NUP205: variants seen among roughly 807,000 people sequenced by gnomAD.
The protein encoded by NUP205 is nucleoporin 205.
NUP205 carries 76 observed loss-of-function variants against 253.8 expected under a neutral mutation model. That is an observed-to-expected ratio of 0.30 (90% CI 0.25 to 0.36). NUP205 has a LOEUF of 0.36. Ranked by LOEUF, NUP205 falls within the 10% of genes least tolerant of loss-of-function variation. The pLI is 1.00. For synonymous variants in NUP205, 832 were observed against 850.1 expected, an observed-to-expected ratio of 0.98 and a Z score of 0.37; for missense variants, 2,162 against 2,425.5, an observed-to-expected ratio of 0.89 and a Z score of 2.28.
intron 23 of NUP205, 56 bp downstream of exon 23, chr7:135,614,329 G>T: frequency 1.1e-6 from 1 of 936,056 alleles, no homozygotes; most frequent in East Asian, 2.5e-5. Flanking sequence ...CATGTTAAGT[G>T]ATTTTATTTA....
rs530021269 is a variant in NUP205, at chr7:135,568,424, C to A, written c.29-2681C>A. On this transcript the variant is annotated intron_variant, in intron 1 of 42. Coordinates refer to ENST00000285968, the MANE Select transcript of NUP205 (RefSeq NM_015135.3). ...CTTGGCTCACTGCAACCTCCACCTC[C>A]CAGGTTCAAGCGATTCTGGTTCCTG... 4.6e-5 allele frequency among the ~76,000 whole-genome samples: 7 copies of A among 151,896 alleles called. No homozygotes were observed. The South Asian group carries it at 1.5e-3, about 32-fold the overall frequency.
In NUP205 at chr7:135,570,857, T is replaced by TATATAA. The variant is rs1264298142; in HGVS notation, c.29-240_29-235dup. On this transcript the variant is annotated intron_variant, in intron 1 of 42. Transcript: ENST00000285968. ...TATATATTATATATTACATATATTA[T>TATATAA]ATATAAATATAAAATATATGTAATA... Among the ~76,000 whole-genome samples, 2,461 of 115,044 alleles carry TATATAA rather than the reference T, an allele frequency of 0.021. 86 individuals are homozygous for TATATAA. The highest frequency in any genetic ancestry group is 0.065 in the South Asian group (275 of 4,222). The allele number at this position is 115,044 out of a possible 152,430, so 75.5% of individuals were successfully genotyped here. A position where few individuals can be genotyped will look rare whatever the true frequency, so the allele number is the denominator to read the frequency against.
chr7:135,631,132 A>G (rs1794705399), intron 35 of NUP205, among the ~76,000 whole-genome samples: 1 of 152,168 alleles, frequency 6.6e-6, no homozygotes, highest in Non-Finnish European at 1.5e-5. Context: ...AGAGGCAACT[A>G]ATGAGAATAG....
Position 135,577,309 on chromosome 7 carries a change from G to T in NUP205, c.648+181G>T, listed in dbSNP as rs577616970. ...GACACAAAACTGTACATATGTATAG[G>T]GTACAGTGTGGTATTTTGATACATA... On this transcript the variant is annotated intron_variant, in intron 5 of 42. Coordinates refer to ENST00000285968, the MANE Select transcript of NUP205 (RefSeq NM_015135.3). 1.3e-4 allele frequency among the ~76,000 whole-genome samples: 19 copies of T among 151,500 alleles called. No homozygotes were observed. In the East Asian group the frequency reaches 3.5e-3, roughly 28 times the overall value.
At chr7:135,638,403 A>G (rs1208381818) in intron 37 of NUP205, among the ~76,000 whole-genome samples, 154 bp from the exon 38 acceptor site, 2 of 141,068 alleles carry the variant, frequency 1.4e-5, no homozygotes, top group Non-Finnish European at 3.0e-5. Context: ...CAACAGAGGG[A>G]GACTCCATCT....
rs1794626115 is a variant in NUP205, at chr7:135,627,827, G to A, written c.4794-146G>A. 5.0e-6 allele frequency: 3 copies of A among 604,660 alleles called. No individual in the cohort carries two copies. The East Asian group carries it at 8.1e-5, about 16-fold the overall frequency. 37.5% of individuals were successfully genotyped at this position (604,660 alleles called of 1,614,324 possible). A position where few individuals can be genotyped will look rare whatever the true frequency, so the allele number is the denominator to read the frequency against. On this transcript the variant is annotated intron_variant, in intron 33 of 42. Transcript: ENST00000285968. ...AAGACACATCTTTCTCTGGACCGCG[G>A]ATGTATATATGGGATGCAGAGTACT...
chr7:135,605,067 T>C (rs867031048), intron 19 of NUP205, among the ~76,000 whole-genome samples: 1 of 151,820 alleles, frequency 6.6e-6, no homozygotes, highest in Non-Finnish European at 1.5e-5. Context: ...TTTTTTTTTC[T>C]TCTTTTGAGA....
chr7:135,641,279 A>G (rs1584693531), intron 38 of NUP205, among the ~76,000 whole-genome samples: 1 of 152,354 alleles, frequency 6.6e-6, no homozygotes, highest in Middle Eastern at 3.4e-3. Flanking sequence ...GGTAGAGATT[A>G]TACAAATGTT....
chr7:135,609,143 T>C (rs1324352852), intron 22 of NUP205, among the ~76,000 whole-genome samples: 1 of 149,212 alleles, frequency 6.7e-6, no homozygotes, highest in Non-Finnish European at 1.5e-5. Context: ...CTTTATAAGC[T>C]GTGACTAATT....
In NUP205 at chr7:135,597,371, C is replaced by A. The variant is rs1239794178; in HGVS notation, c.2017C>A (p.Leu673Met). Residue 673 changes from leucine to methionine, a missense_variant, in exon 14 of 43, where the codon CTG (leucine) becomes ATG (methionine). Leu to Met is a conservative substitution (Grantham distance 15). Coordinates refer to ENST00000285968, the MANE Select transcript of NUP205 (RefSeq NM_015135.3). ...LWQSLEYTQI[L>M]QTVRIPSQRQ... is the part of the protein sequence containing the mutation. ...ATCTACTTCTTACTATTTTAAGATACTGCAGACCGTGAGGATTCCAAGCCA... is the reference window on the plus strand; with the variant it reads ...ATCTACTTCTTACTATTTTAAGATAATGCAGACCGTGAGGATTCCAAGCCA... 24 of 1,608,998 alleles carry A rather than the reference C, an allele frequency of 1.5e-5. No individual in the cohort carries two copies. The highest frequency in any genetic ancestry group is 2.0e-5 in the Non-Finnish European group (23 of 1,175,564).
chr7:135,579,325 G>A (rs1806243009), intron 7 of NUP205, among the ~76,000 whole-genome samples: 1 of 151,326 alleles, frequency 6.6e-6, no homozygotes, highest in Non-Finnish European at 1.5e-5. Context: ...CTCCCAAGTA[G>A]CTGGGATTAC....
At position 135,607,274 on chromosome 7, in the gene NUP205, T is replaced by A. The variant is rs1724637635; in HGVS notation, c.3098T>A (p.Leu1033His). ...GTGTTAGGTTGCCCTCGGACATGCC[T>A]TCACGCCATTCTAAACATCTTGGAG... ...PGVLGCPRTC[L>H]HAILNILEKG... The change falls in exon 22 of 43, where the codon CTT (leucine) becomes CAT (histidine). Residue 1033 changes from leucine (L) to histidine (H), a missense_variant. Around this residue, in one of 5 missense-constraint regions of NUP205, gnomAD observed 1,144 missense variants for 1,280.9 expected, o/e 0.89. Transcript: ENST00000285968. The A allele has an allele frequency of 6.2e-7, 1 of 1,614,032 alleles. No individual in the cohort carries two copies. The highest frequency in any genetic ancestry group is 1.7e-5 in the Admixed American group (1 of 60,010).
chr7:135,609,735 A>G (rs1435994081), intron 22 of NUP205, among the ~76,000 whole-genome samples: 1 of 151,656 alleles, frequency 6.6e-6, no homozygotes, highest in Non-Finnish European at 1.5e-5. Flanking sequence ...TTCTTTTTGT[A>G]ATTCTTTACT....
chr7:135,569,351 G>A lies in NUP205; in HGVS notation c.29-1754G>A, dbSNP rs528210066. ...GCCTCCCAAAGTGCTGGGATTACAG[G>A]CGTGAGCCACCGTGCCCGGCCTTAG... On this transcript the variant is annotated intron_variant, in intron 1 of 42. Transcript: ENST00000285968. 9.2e-5 allele frequency among the ~76,000 whole-genome samples: 14 copies of A among 152,346 alleles called. 1 individual carries two copies. The South Asian group carries it at 2.9e-3, about 32-fold the overall frequency.
intron 22 of NUP205, among the ~76,000 whole-genome samples, chr7:135,612,606 T>G (rs1794267526): frequency 1.3e-5 from 2 of 152,160 alleles, no homozygotes; most frequent in South Asian, 4.1e-4. Flanking sequence ...GTATGATAGC[T>G]GGAACAGGAA....
intron 30 of NUP205, among the ~76,000 whole-genome samples, chr7:135,622,475 C>T (rs1172154096): frequency 2.0e-5 from 3 of 151,104 alleles, no homozygotes; most frequent in Non-Finnish European, 4.4e-5. Flanking sequence ...AAATACAGGA[C>T]GTTGGTTCTC....
chr7:135,645,734 G>A (rs1794995587), intron 41 of NUP205, 138 bp downstream of exon 41: 4 of 774,692 alleles, frequency 5.2e-6, no homozygotes, highest in Admixed American at 2.8e-5. Flanking sequence ...GTCACTAGAC[G>A]TAGCTATTTC....
At chr7:135,612,471 A>C (rs532406771) in intron 22 of NUP205, among the ~76,000 whole-genome samples, 2 of 152,228 alleles carry the variant, frequency 1.3e-5, no homozygotes, top group East Asian at 3.8e-4. Context: ...GCCTTTTTGC[A>C]CTTAGGGACA....
At chr7:135,577,230 G>A (rs1313767243) in intron 5 of NUP205, 102 bp downstream of exon 5, 2 of 1,151,942 alleles carry the variant, frequency 1.7e-6, no homozygotes, top group African/African-American at 1.6e-5. Context: ...TTATGTAGCT[G>A]ATACCATGCC....
Sources: allele counts gnomAD v4.1 joint callset (sites outside exome capture counted in the v4.1 genomes callset), GRCh38; gene constraint gnomAD v4.1.1; regional missense constraint gnomAD v4.1.1; transcripts MANE v1.5; gene names NCBI Gene and HGNC (gene_info 2026-07-23, HGNC 2026-07-21).